The following DCUN1D4 variants were observed in gnomAD, a reference collection of about 807,000 sequenced individuals.
DCUN1D4 encodes the protein defective in cullin neddylation 1 domain containing 4.
A neutral mutation model predicts 47.9 loss-of-function variants in DCUN1D4; 22 were observed. That is an observed-to-expected ratio of 0.46 (90% CI 0.33 to 0.66). The LOEUF (loss-of-function observed/expected upper bound fraction) is 0.66. Ranked by LOEUF, DCUN1D4 falls within the 30% of genes least tolerant of loss-of-function variation. The pLI is 0.02. For missense variants in DCUN1D4, 301 were observed against 340.8 expected (o/e 0.88, Z 0.92); for synonymous variants, 121 against 112.2 (o/e 1.08, Z -0.50).
chr4:51,876,886 A>G (rs532894539), intron 4 of DCUN1D4, among the ~76,000 whole-genome samples: 1 of 152,338 alleles, frequency 6.6e-6, no homozygotes, highest in East Asian at 1.9e-4. Flanking sequence ...AAATGCTTAT[A>G]TACACCACTA....
At chr4:51,908,941 T>G (rs750300874) in intron 8 of DCUN1D4, 1 of 456,326 alleles carries the variant, frequency 2.2e-6, no homozygotes, top group South Asian at 1.5e-5. Context: ...TGTTAGTGAT[T>G]GCGAGCTGCT....
intron 4 of DCUN1D4, among the ~76,000 whole-genome samples, chr4:51,876,535 G>A (rs1023546857): frequency 2.6e-5 from 4 of 151,934 alleles, no homozygotes; most frequent in Admixed American, 1.3e-4. Flanking sequence ...AAACCTGCAC[G>A]TTGTGCACAT....
intron 1 of DCUN1D4, among the ~76,000 whole-genome samples, chr4:51,856,911 A>G (rs975904386): frequency 1.3e-5 from 2 of 152,196 alleles, no homozygotes; most frequent in African/African-American, 4.8e-5. Flanking sequence ...AGCACAGCCT[A>G]TTCCTTCCTC....
At position 51,849,901 on chromosome 4, in the gene DCUN1D4, A is replaced by C. The variant is rs531474686; in HGVS notation, c.25+6634A>C. Among the ~76,000 whole-genome samples the C allele has an allele frequency of 2.6e-5, 4 of 152,164 alleles. No homozygotes were observed. In the South Asian group the frequency reaches 8.3e-4, roughly 32 times the overall value. ...GAATGTTTATTTTGTTTAGCCAAAA[A>C]TTACATCTGATGTACCAAATACCTT... On this transcript the variant is annotated intron_variant, in intron 1 of 10. Transcript: ENST00000334635.
intron 1 of DCUN1D4, among the ~76,000 whole-genome samples, chr4:51,860,031 T>TATA (rs1724799904): frequency 1.3e-5 from 2 of 152,232 alleles, no homozygotes; most frequent in African/African-American, 4.8e-5. Context: ...CAAGGGCTAT[T>TATA]ACTTGCCATG....
chr4:51,895,659 G>A (rs1013286468), intron 7 of DCUN1D4, among the ~76,000 whole-genome samples: 3 of 151,418 alleles, frequency 2.0e-5, no homozygotes, highest in African/African-American at 7.3e-5. Flanking sequence ...AGGGGCAGGG[G>A]CCTTTTCCTG....
At chr4:51,848,209 C>A in intron 1 of DCUN1D4, 1 of 1,288,742 alleles carries the variant, frequency 7.8e-7, no homozygotes, top group Non-Finnish European at 1.0e-6. Flanking sequence ...ATGCAGATAT[C>A]AGTTTTAGAG....
intron 3 of DCUN1D4, among the ~76,000 whole-genome samples, chr4:51,869,930 A>C (rs1204973384): frequency 1.3e-5 from 2 of 152,136 alleles, no homozygotes; most frequent in African/African-American, 4.8e-5. Flanking sequence ...AATGAATCTG[A>C]ACTTAAATAA....
At chr4:51,884,569 A>G (rs1266393728) in intron 5 of DCUN1D4, 3 of 152,360 alleles carry the variant, frequency 2.0e-5, no homozygotes, top group East Asian at 3.9e-4. Flanking sequence ...GTATTCAGCC[A>G]TTCATTTAGT....
intron 6 of DCUN1D4, among the ~76,000 whole-genome samples, chr4:51,890,483 C>G (rs1471548458): frequency 6.6e-6 from 1 of 152,138 alleles, no homozygotes. Flanking sequence ...TCTGTTTCAG[C>G]ACAGAGAGAG....
intron 1 of DCUN1D4, chr4:51,844,885 G>T: frequency 1.0e-6 from 1 of 985,448 alleles, no homozygotes; most frequent in Non-Finnish European, 1.2e-6. Flanking sequence ...TTCCTGCTCG[G>T]CCAACTCGTG....
chr4:51,884,626 T>C (rs1729185438), intron 5 of DCUN1D4: 1 of 152,242 alleles, frequency 6.6e-6, no homozygotes, highest in African/African-American at 2.4e-5. Context: ...CCAGATAGTA[T>C]GCTGAGCTTG....
At chr4:51,899,876 G>A (rs1220041210) in intron 8 of DCUN1D4, among the ~76,000 whole-genome samples, 2 of 152,114 alleles carry the variant, frequency 1.3e-5, no homozygotes, top group African/African-American at 2.4e-5. Context: ...GTTTTGAAAA[G>A]CAGTTACCCT....
intron 4 of DCUN1D4, 100 bp downstream of exon 4, chr4:51,874,485 A>G: frequency 1.4e-6 from 1 of 694,512 alleles, no homozygotes; most frequent in Non-Finnish European, 2.3e-6. Context: ...GCAAATGCCA[A>G]GTGGAATGGG....
chr4:51,859,094 C>G (rs938593892), intron 1 of DCUN1D4, among the ~76,000 whole-genome samples: 2 of 152,164 alleles, frequency 1.3e-5, no homozygotes, highest in African/African-American at 4.8e-5. Flanking sequence ...CTTTTCCCCA[C>G]CTCTTTTTGG....
chr4:51,880,586 G>C (rs987971142), intron 5 of DCUN1D4, among the ~76,000 whole-genome samples: 1 of 152,150 alleles, frequency 6.6e-6, no homozygotes. Flanking sequence ...GTCATCCTCT[G>C]CACATTCTAG....
chr4:51,843,273 T>C lies in DCUN1D4; in HGVS notation c.25+6T>C. On this transcript the variant is annotated splice_donor_region_variant and intron_variant, in intron 1 of 10. Transcript: ENST00000334635. ...CTCGGATGCCGCCGCTGTCAGTGAG[T>C]AGCAGAGAGCCAGCCAGCGGGCCGG... 1 of 1,537,090 alleles carries C rather than the reference T, an allele frequency of 6.5e-7. No individual in the cohort carries two copies. The highest frequency in any genetic ancestry group is 8.8e-7 in the Non-Finnish European group (1 of 1,141,962).
At position 51,888,872 on chromosome 4, in the gene DCUN1D4, C is replaced by T. The variant is rs149983012; in HGVS notation, c.414+2234C>T. On this transcript the variant is annotated intron_variant, in intron 6 of 10. Coordinates refer to ENST00000334635, the MANE Select transcript of DCUN1D4 (RefSeq NM_001040402.3). ...CTGTAATCCCAGTACTTTGAGAGGC[C>T]GAGGTGGGTGGGTGGATCACATGAG... Among the ~76,000 whole-genome samples, 124 of 152,082 alleles carry T rather than the reference C, an allele frequency of 8.2e-4. No individual in the cohort carries two copies. In the East Asian group the frequency reaches 0.017, roughly 21 times the overall value.
intron 8 of DCUN1D4, among the ~76,000 whole-genome samples, chr4:51,908,496 A>G (rs1002055231): frequency 6.6e-6 from 1 of 152,086 alleles, no homozygotes; most frequent in Non-Finnish European, 1.5e-5. Flanking sequence ...TTGGTGCTCC[A>G]TGAGCAGAGA....
Sources: gnomAD v4.1 joint callset for allele counts (sites outside exome capture counted in the v4.1 genomes callset) on GRCh38, gnomAD v4.1.1 for gene constraint, MANE v1.5 for transcripts, NCBI Gene and HGNC (gene_info 2026-07-23, HGNC 2026-07-21) for gene names.